The following DPP10 variants were observed in gnomAD, a reference collection of about 807,000 sequenced individuals.
DPP10 encodes the protein dipeptidyl peptidase like 10.
DPP10 carries 33 observed loss-of-function variants against 120.9 expected under a neutral mutation model. The observed-to-expected ratio is 0.27, with a 90% CI of 0.21 to 0.37. DPP10 has a LOEUF of 0.37. DPP10 is among the 10% of genes least tolerant of loss of function. The pLI is 1.00. For synonymous variants in DPP10, 337 were observed against 326.1 expected, an observed-to-expected ratio of 1.03 and a Z score of -0.36; for missense variants, 816 against 942.8, an observed-to-expected ratio of 0.87 and a Z score of 1.76.
intron 1 of DPP10, among the ~76,000 whole-genome samples, chr2:114,597,145 G>C (rs1342134768): frequency 6.6e-6 from 1 of 151,996 alleles, no homozygotes; most frequent in Admixed American, 6.6e-5. Context: ...AGGCAGAAAA[G>C]AGTAAAGACA....
At position 114,453,273 on chromosome 2, in the gene DPP10, C is replaced by T. The variant is rs114528432; in HGVS notation, c.60+10435C>T. Among the ~76,000 whole-genome samples the T allele has an allele frequency of 8.7e-3, 1,318 of 152,252 alleles. 29 individuals carry two copies. Among genetic ancestry groups the T allele is most frequent in the African/African-American group, 0.03 (1,239 of 41,542 alleles). ...TTAATTTAAAATATAACATTGTCCCCGATTGCTTCCTTTATAGCAGAGGCT... is the reference window on the plus strand; with the variant it reads ...TTAATTTAAAATATAACATTGTCCCTGATTGCTTCCTTTATAGCAGAGGCT... On this transcript the variant is annotated intron_variant, in intron 1 of 25. Coordinates refer to ENST00000410059, the MANE Select transcript of DPP10 (RefSeq NM_020868.6).
intron 5 of DPP10, among the ~76,000 whole-genome samples, chr2:115,533,833 T>TG (rs1172733132): frequency 6.6e-6 from 1 of 152,058 alleles, no homozygotes; most frequent in African/African-American, 2.4e-5. Context: ...CGTTTGTAGT[T>TG]GCTGCTGCTG....
chr2:115,465,986 C>G (rs62166120), intron 3 of DPP10, among the ~76,000 whole-genome samples: 1 of 152,004 alleles, frequency 6.6e-6, no homozygotes, highest in Non-Finnish European at 1.5e-5. Flanking sequence ...ATTACCCATT[C>G]CATAATGGGT....
At chr2:115,067,244 T>G (rs1706930801) in intron 1 of DPP10, among the ~76,000 whole-genome samples, 2 of 151,962 alleles carry the variant, frequency 1.3e-5, no homozygotes, top group South Asian at 4.2e-4. Context: ...TCCTTTTTTT[T>G]GTTTGTTTGT....
intron 5 of DPP10, among the ~76,000 whole-genome samples, chr2:115,659,506 C>CT (rs1490356746): frequency 1.3e-5 from 2 of 152,078 alleles, no homozygotes; most frequent in Non-Finnish European, 2.9e-5. Flanking sequence ...TCAACCGAGT[C>CT]TCTAAGGCTT....
At chr2:115,523,396 C>CAAAAA (rs67633094) in intron 4 of DPP10, among the ~76,000 whole-genome samples, 10 of 69,166 alleles carry the variant, frequency 1.4e-4, no homozygotes, top group Admixed American at 2.2e-4. Context: ...GAGAAGCTCT[C>CAAAAA]AAAAAAAAAA....
chr2:114,712,829 A>G (rs1158418495), intron 1 of DPP10, among the ~76,000 whole-genome samples: 1 of 152,146 alleles, frequency 6.6e-6, no homozygotes, highest in Non-Finnish European at 1.5e-5. Context: ...CTACTACATT[A>G]TATGGTAAGT....
At chr2:114,811,545 T>C (rs1685171517) in intron 1 of DPP10, among the ~76,000 whole-genome samples, 2 of 151,792 alleles carry the variant, frequency 1.3e-5, no homozygotes, top group Admixed American at 1.3e-4. Flanking sequence ...TAACTTCCAA[T>C]TCCAACTCCA....
intron 1 of DPP10, among the ~76,000 whole-genome samples, chr2:114,455,955 C>G (rs960784557): frequency 1.1e-4 from 17 of 152,128 alleles, no homozygotes; most frequent in African/African-American, 4.1e-4. Context: ...GTCATGGAGG[C>G]AAGCCCGTTG....
intron 1 of DPP10, among the ~76,000 whole-genome samples, chr2:114,699,394 A>G (rs1700256642): frequency 6.6e-6 from 1 of 152,170 alleles, no homozygotes; most frequent in Admixed American, 6.6e-5. Flanking sequence ...AAATGTGGGC[A>G]CTTAAGAGAC....
intron 3 of DPP10, among the ~76,000 whole-genome samples, chr2:115,409,785 G>C (rs909175036): frequency 6.6e-6 from 1 of 152,158 alleles, no homozygotes; most frequent in Non-Finnish European, 1.5e-5. Flanking sequence ...CCAACAAGTG[G>C]ATAAAGAAAT....
At chr2:115,022,676 A>C (rs1559003938) in intron 1 of DPP10, among the ~76,000 whole-genome samples, 1 of 152,134 alleles carries the variant, frequency 6.6e-6, no homozygotes, top group African/African-American at 2.4e-5. Context: ...GAACCAAAAA[A>C]GAGCCCACAT....
At position 115,600,439 on chromosome 2, in the gene DPP10, A is replaced by G. The variant is rs568645159; in HGVS notation, c.441+74467A>G. On this transcript the variant is annotated intron_variant, in intron 5 of 25. Transcript: ENST00000410059. ...CCAGTAAAACATACTTTGGAAAAGG[A>G]CAATAAAAGTTTTTCTTAAAATTTT... 7.9e-5 allele frequency among the ~76,000 whole-genome samples: 12 copies of G among 152,328 alleles called. No homozygotes were observed. In the South Asian group the frequency reaches 8.3e-4, roughly 11 times the overall value.
At chr2:115,344,381 A>G (rs62167297) in intron 3 of DPP10, among the ~76,000 whole-genome samples, 1 of 152,024 alleles carries the variant, frequency 6.6e-6, no homozygotes, top group Non-Finnish European at 1.5e-5. Context: ...TCACTAGATA[A>G]TTTTTCTTAG....
intron 5 of DPP10, among the ~76,000 whole-genome samples, chr2:115,650,162 A>C (rs2087627470): frequency 2.0e-5 from 3 of 152,098 alleles, no homozygotes; most frequent in African/African-American, 7.2e-5. Context: ...ATTTTGAATA[A>C]ACAGATCTTA....
chr2:115,603,645 C>G (rs1173707709), intron 5 of DPP10, among the ~76,000 whole-genome samples: 2 of 145,164 alleles, frequency 1.4e-5, no homozygotes, highest in Non-Finnish European at 3.0e-5. Context: ...TAAGTGTCAG[C>G]CCTGCCATGT....
chr2:114,494,289 A>G (rs1682301032), intron 1 of DPP10, among the ~76,000 whole-genome samples: 1 of 152,120 alleles, frequency 6.6e-6, no homozygotes. Flanking sequence ...TCTTCCTCAT[A>G]GTATTTGTGG....
At chr2:115,556,204 C>T (rs2080199704) in intron 5 of DPP10, among the ~76,000 whole-genome samples, 1 of 151,732 alleles carries the variant, frequency 6.6e-6, no homozygotes, top group African/African-American at 2.4e-5. Context: ...ACTTTTTATA[C>T]TCCGAATACA....
At position 115,690,080 on chromosome 2, in the gene DPP10, A is replaced by T. The variant is rs780674657; in HGVS notation, c.576+159A>T. ...TTATCTAATAGTCCAACTTAAGAAT[A>T]CATTAAATGATACTAGTATTATTTT... On this transcript the variant is annotated intron_variant, in intron 7 of 25. Coordinates refer to ENST00000410059, the MANE Select transcript of DPP10 (RefSeq NM_020868.6). 3.3e-5 allele frequency among the ~76,000 whole-genome samples: 5 copies of T among 152,342 alleles called. 1 individual carries two copies. Among genetic ancestry groups the T allele is most frequent in the African/African-American group, 1.2e-4 (5 of 41,584 alleles).
Sources: allele counts gnomAD v4.1 joint callset (sites outside exome capture counted in the v4.1 genomes callset), GRCh38; gene constraint gnomAD v4.1.1; transcripts MANE v1.5; gene names NCBI Gene and HGNC (gene_info 2026-07-23, HGNC 2026-07-21).